The following PIAS1 variants were observed in gnomAD, a reference collection of about 807,000 sequenced individuals.
PIAS1 encodes E3 SUMO-protein ligase PIAS1.
PIAS1 carries 6 observed loss-of-function variants against 71.3 expected under a neutral mutation model. The observed-to-expected ratio is 0.08, with a 90% CI of 0.05 to 0.17. The LOEUF is 0.17. PIAS1 is among the 10% of genes least tolerant of loss of function. The pLI is 1.00. For synonymous variants in PIAS1, 303 were observed against 292.9 expected (o/e 1.03, Z -0.35); for missense variants, 555 against 793.6 (o/e 0.70, Z 3.61).
At chr15:68,163,816 C>T (rs1438682189) in intron 7 of PIAS1, among the ~76,000 whole-genome samples, 1 of 152,146 alleles carries the variant, frequency 6.6e-6, no homozygotes, top group Non-Finnish European at 1.5e-5. Context: ...CTTACGGCCC[C>T]TTTGTACAAT....
rs1246883843 is a variant in PIAS1, at chr15:68,086,769, A to G, written c.469+19A>G. On this transcript the variant is annotated intron_variant, in intron 2 of 13. Coordinates refer to ENST00000249636, the MANE Select transcript of PIAS1 (RefSeq NM_016166.3). The surrounding 1 kb of genome is among the most constrained non-coding windows in gnomAD (Gnocchi z 7.2). ...AGTCTAGGTAAGATTATTGTATGAT[A>G]GTATTTGGTTACTTTTGCAGGATGA... is the stretch of plus-strand genomic sequence containing the variant. 5 of 1,500,646 alleles carry G rather than the reference A, an allele frequency of 3.3e-6. No individual in the cohort carries two copies. Among genetic ancestry groups the G allele is most frequent in the Non-Finnish European group, 4.6e-6 (5 of 1,084,506 alleles). 93.0% of individuals were successfully genotyped at this position (1,500,646 alleles called of 1,614,324 possible).
At chr15:68,130,448 C>T (rs1371325028) in intron 2 of PIAS1, among the ~76,000 whole-genome samples, 1 of 151,550 alleles carries the variant, frequency 6.6e-6, no homozygotes, top group Non-Finnish European at 1.5e-5. Flanking sequence ...CATGTATATG[C>T]AGTGAAAATA....
chr15:68,064,462 G>A (rs2140957115), intron 1 of PIAS1, among the ~76,000 whole-genome samples: 1 of 152,268 alleles, frequency 6.6e-6, no homozygotes, highest in Non-Finnish European at 1.5e-5. Context: ...AATAACCAAT[G>A]CATGATATTA....
At chr15:68,144,044 G>A (rs2092790604) in intron 4 of PIAS1, among the ~76,000 whole-genome samples, 1 of 150,928 alleles carries the variant, frequency 6.6e-6, no homozygotes, top group African/African-American at 2.4e-5. Flanking sequence ...TGTCTAGATA[G>A]ATGAGCTATA....
chr15:68,171,725 C>T lies in PIAS1; in HGVS notation c.1009-2007C>T, dbSNP rs889337817. Among the ~76,000 whole-genome samples the T allele has an allele frequency of 3.3e-5, 5 of 152,050 alleles. No individual in the cohort carries two copies. The highest frequency in any genetic ancestry group is 1.2e-4 in the African/African-American group (5 of 41,374). On this transcript the variant is annotated intron_variant, in intron 8 of 13. Coordinates refer to ENST00000249636, the MANE Select transcript of PIAS1 (RefSeq NM_016166.3). The surrounding 1 kb of genome is among the most constrained non-coding windows in gnomAD (Gnocchi z 4.4). ...AAAAGAGGCCCAGAAAGGCTAAATG[C>T]CTTTCTTAGAGACACAGTAAATCAT... is the stretch of plus-strand genomic sequence containing the variant.
intron 1 of PIAS1, among the ~76,000 whole-genome samples, chr15:68,068,883 T>A (rs1399951678): frequency 7.0e-6 from 1 of 143,560 alleles, no homozygotes; most frequent in East Asian, 2.1e-4. Flanking sequence ...ACACCTTAAA[T>A]GTTTTTGTCC....
At chr15:68,100,491 G>A (rs2140997736) in intron 2 of PIAS1, among the ~76,000 whole-genome samples, 1 of 152,272 alleles carries the variant, frequency 6.6e-6, no homozygotes, top group South Asian at 2.1e-4. Context: ...TTAAGGGGCG[G>A]GGAGGGGGGC....
rs1313171794 is a variant in PIAS1 at position 68,151,044 on chromosome 15, C to G, written c.829-2546C>G. 2.0e-5 allele frequency among the ~76,000 whole-genome samples: 3 copies of G among 148,956 alleles called. No individual in the cohort carries two copies. The Admixed American group carries it at 2.0e-4, about 10-fold the overall frequency. ...TTAAGACTTTTGAAAAAGCAATAAA[C>G]AAAACTATCAGTATAATATAATATA... is the stretch of plus-strand genomic sequence containing the variant. On this transcript the variant is annotated intron_variant, in intron 6 of 13. Coordinates refer to ENST00000249636, the MANE Select transcript of PIAS1 (RefSeq NM_016166.3).
rs753654383 is a variant in PIAS1 at position 68,145,914 on chromosome 15, C to G, written c.693+8C>G. On this transcript the variant is annotated splice_region_variant and intron_variant, in intron 5 of 13. Coordinates refer to ENST00000249636, the MANE Select transcript of PIAS1 (RefSeq NM_016166.3). ...AAACCTTGCAGCCTTCCAGTAAGTC[C>G]TAAGAGCTGTTTTTTAAAATTCATT... is the stretch of plus-strand genomic sequence containing the variant. The G allele has an allele frequency of 2.6e-6, 4 of 1,540,656 alleles. No homozygotes were observed. Among genetic ancestry groups the G allele is most frequent in the Non-Finnish European group, 3.6e-6 (4 of 1,113,768 alleles).
intron 1 of PIAS1, among the ~76,000 whole-genome samples, chr15:68,073,502 A>G (rs1446875379): frequency 6.6e-6 from 1 of 152,208 alleles, no homozygotes; most frequent in Non-Finnish European, 1.5e-5. Context: ...TAAGAGCGGT[A>G]AACTGAGTTA....
chr15:68,067,731 A>G (rs556271785), intron 1 of PIAS1, among the ~76,000 whole-genome samples: 3 of 152,304 alleles, frequency 2.0e-5, no homozygotes, highest in African/African-American at 7.2e-5. Flanking sequence ...TAAATTATAT[A>G]CAGCGTAGTA....
chr15:68,172,913 G>A (rs2093000359), intron 8 of PIAS1, among the ~76,000 whole-genome samples: 1 of 152,246 alleles, frequency 6.6e-6, no homozygotes, highest in Non-Finnish European at 1.5e-5. Flanking sequence ...GTCCAGGGCT[G>A]TAGGCTGAAT....
At chr15:68,184,832 A>T (rs569110643) in intron 13 of PIAS1, 2 of 153,526 alleles carry the variant, frequency 1.3e-5, no homozygotes, top group African/African-American at 4.8e-5. Context: ...TTGGGGCCAT[A>T]TTGCAGGCTA....
intron 2 of PIAS1, among the ~76,000 whole-genome samples, chr15:68,090,752 T>A (rs2092325668): frequency 1.3e-5 from 2 of 152,142 alleles, no homozygotes; most frequent in Admixed American, 1.3e-4. Flanking sequence ...TATCCTGTCA[T>A]CTCTGAGGTT....
rs1027038554 is a variant in PIAS1 at position 68,139,308 on chromosome 15, CAAAGT to C, written c.470-2633_470-2629del. 4.0e-4 allele frequency among the ~76,000 whole-genome samples: 61 copies of C among 152,046 alleles called. 1 individual carries two copies. Among genetic ancestry groups the C allele is most frequent in the Admixed American group, 2.6e-4 (4 of 15,268 alleles). On this transcript the variant is annotated intron_variant, in intron 2 of 13. Coordinates refer to ENST00000249636, the MANE Select transcript of PIAS1 (RefSeq NM_016166.3). ...TCATCACCAGTCATCATCTGCCTGACAAAGTAAAGGCCACATCTCACACATGTCTA... is the reference window on the plus strand; with the variant it reads ...TCATCACCAGTCATCATCTGCCTGACAAAGGCCACATCTCACACATGTCTA...
chr15:68,143,574 T>G (rs2092787197), intron 4 of PIAS1, among the ~76,000 whole-genome samples: 1 of 152,152 alleles, frequency 6.6e-6, no homozygotes, highest in African/African-American at 2.4e-5. Context: ...GTATAAAAGG[T>G]ATATTTTATG....
intron 2 of PIAS1, among the ~76,000 whole-genome samples, chr15:68,105,995 T>A (rs1595729083): frequency 6.6e-6 from 1 of 152,198 alleles, no homozygotes; most frequent in Non-Finnish European, 1.5e-5. Flanking sequence ...TTTTACCATT[T>A]AAAAAATGAT....
chr15:68,057,096 T>C (rs2091904213), intron 1 of PIAS1, among the ~76,000 whole-genome samples: 1 of 152,206 alleles, frequency 6.6e-6, no homozygotes, highest in African/African-American at 2.4e-5. Context: ...CTTTTAAATC[T>C]ATAAGAAATG....
chr15:68,160,954 A>T (rs918654322), intron 7 of PIAS1, among the ~76,000 whole-genome samples: 2 of 152,214 alleles, frequency 1.3e-5, no homozygotes, highest in African/African-American at 4.8e-5. Flanking sequence ...GCACAATAAG[A>T]CAAGGAAAAG....
Sources: gnomAD v4.1 joint callset for allele counts (sites outside exome capture counted in the v4.1 genomes callset) on GRCh38, gnomAD v4.1.1 for gene constraint, Gnocchi (gnomAD v3.1) non-coding constraint, MANE v1.5 for transcripts, NCBI Gene and HGNC (gene_info 2026-07-23, HGNC 2026-07-21) for gene names.